The following RUNX1 variants were observed in gnomAD, a reference collection of about 807,000 sequenced individuals.
RUNX1 encodes the protein runt-related transcription factor 1.
A neutral mutation model predicts 42.8 loss-of-function variants in RUNX1; 19 were observed. That is an observed-to-expected ratio of 0.44 (90% confidence interval 0.31 to 0.65). The LOEUF (loss-of-function observed/expected upper bound fraction) is 0.65. Ranked by LOEUF, RUNX1 falls within the 30% of genes least tolerant of loss-of-function variation. The probability of loss-of-function intolerance (pLI) is 0.07; values close to 1 mark genes in which losing one functional copy is unlikely to be tolerated. For missense variants in RUNX1, 528 were observed against 672.0 expected (o/e 0.79, Z 2.37); for synonymous variants, 271 against 289.4 (o/e 0.94, Z 0.64).
intron 2 of RUNX1, among the ~76,000 whole-genome samples, chr21:34,974,520 C>T (rs1050282417): frequency 1.3e-5 from 2 of 152,164 alleles, no homozygotes; most frequent in African/African-American, 4.8e-5. Flanking sequence ...CCTTGTTTTA[C>T]ATTTCATGTT....
At chr21:35,003,911 G>A (rs180938214) in intron 2 of RUNX1, among the ~76,000 whole-genome samples, 10 of 152,198 alleles carry the variant, frequency 6.6e-5, no homozygotes, top group East Asian at 1.9e-4. Context: ...GATTTATTTC[G>A]TTCAAATACA....
At chr21:34,991,170 C>G (rs1004650340) in intron 2 of RUNX1, among the ~76,000 whole-genome samples, 10 of 152,196 alleles carry the variant, frequency 6.6e-5, no homozygotes, top group African/African-American at 2.4e-4. Flanking sequence ...ACCTTGCCTG[C>G]CTCTCTTGCT....
intron 2 of RUNX1, among the ~76,000 whole-genome samples, chr21:35,010,249 G>A (rs988395323): frequency 3.3e-5 from 5 of 151,792 alleles, no homozygotes; most frequent in Non-Finnish European, 7.4e-5. Context: ...TACTCCATAA[G>A]CTCCAAAAAC....
At position 35,041,138 on chromosome 21, in the gene RUNX1, A is replaced by C. The variant is rs369799663; in HGVS notation, c.58+7704T>G. On this transcript the variant is annotated intron_variant, in intron 2 of 8. Transcript: ENST00000675419. Reference sequence around the variant, plus strand: ...TTCGAGACTAGCAAAGTTTCTTTTGAGAAGTCACAGTCTCTACGGAGGGTA... The same window carrying C: ...TTCGAGACTAGCAAAGTTTCTTTTGCGAAGTCACAGTCTCTACGGAGGGTA... Among the ~76,000 whole-genome samples, 4 of 152,334 alleles carry C rather than the reference A, an allele frequency of 2.6e-5. No individual in the cohort carries two copies. The East Asian group carries it at 7.7e-4, about 29-fold the overall frequency.
chr21:34,839,275 C>T (rs548167876), intron 6 of RUNX1, among the ~76,000 whole-genome samples: 4 of 150,976 alleles, frequency 2.6e-5, no homozygotes, highest in African/African-American at 9.9e-5. Context: ...ACACTCAGTG[C>T]ACCTAGAAAT....
intron 2 of RUNX1, among the ~76,000 whole-genome samples, chr21:35,017,265 G>C (rs1196308130): frequency 6.6e-6 from 1 of 152,202 alleles, no homozygotes. Flanking sequence ...TATGCTGACA[G>C]ATCAGCACAC....
At chr21:34,957,208 C>A (rs543477275) in intron 2 of RUNX1, among the ~76,000 whole-genome samples, 1 of 152,266 alleles carries the variant, frequency 6.6e-6, no homozygotes, top group South Asian at 2.1e-4. Flanking sequence ...GTAATATTTG[C>A]CAACTGCTTT....
At chr21:35,029,731 G>A (rs763137589) in intron 2 of RUNX1, among the ~76,000 whole-genome samples, 15 of 152,080 alleles carry the variant, frequency 9.9e-5, no homozygotes, top group Non-Finnish European at 1.3e-4. Flanking sequence ...AATTTCTTCC[G>A]TCTTGGGCTT....
intron 7 of RUNX1, chr21:34,833,106 T>C (rs1223924253): frequency 6.6e-6 from 1 of 152,398 alleles, no homozygotes; most frequent in Non-Finnish European, 1.5e-5. Context: ...TTTGTTTGTT[T>C]GTTTGTTTGT....
chr21:34,891,907 A>T (rs1190922331), intron 3 of RUNX1, among the ~76,000 whole-genome samples: 2 of 152,196 alleles, frequency 1.3e-5, no homozygotes, highest in African/African-American at 2.4e-5. Flanking sequence ...AAACAGTAAC[A>T]GTGCATTGAC....
intron 2 of RUNX1, among the ~76,000 whole-genome samples, chr21:34,993,557 AGGCACAGACACACACAGG>A (rs2058963926): frequency 7.6e-6 from 1 of 131,420 alleles, no homozygotes; most frequent in African/African-American, 3.0e-5. Context: ...ACACACACAC[AGGCACAGACACACACAGG>A]CACACACACA....
At chr21:35,033,807 T>G (rs1347267756) in intron 2 of RUNX1, among the ~76,000 whole-genome samples, 2 of 152,208 alleles carry the variant, frequency 1.3e-5, no homozygotes, top group African/African-American at 2.4e-5. Context: ...ATTTTTAAAG[T>G]CTTCAAAGAA....
Position 34,849,442 on chromosome 21 carries a change from T to C in RUNX1, c.613+10032A>G, listed in dbSNP as rs1307906032. On this transcript the variant is annotated intron_variant, in intron 6 of 8. Coordinates refer to ENST00000675419, the MANE Select transcript of RUNX1 (RefSeq NM_001754.5). ...TTATATAGTATATATATTATATATA[T>C]ACTATATATTATAATATATAGTATA... Among the ~76,000 whole-genome samples the C allele has an allele frequency of 6.0e-5, 4 of 67,048 alleles. 1 individual carries two copies. The highest frequency in any genetic ancestry group is 1.1e-4 in the Non-Finnish European group (4 of 36,542). The allele number at this position is 67,048 out of a possible 152,430, so 44.0% of individuals were successfully genotyped here.
chr21:34,810,120 C>T (rs574709071), intron 7 of RUNX1, among the ~76,000 whole-genome samples: 131 of 152,228 alleles, frequency 8.6e-4, no homozygotes, highest in Non-Finnish European at 1.7e-3. Flanking sequence ...AAAAGCCTTC[C>T]TCTCTACACA....
chr21:34,798,406 GC>G (rs964165815), intron 8 of RUNX1, among the ~76,000 whole-genome samples: 26 of 152,174 alleles, frequency 1.7e-4, no homozygotes, highest in Non-Finnish European at 3.8e-4. Flanking sequence ...AGCCCAAAGG[GC>G]TCATAGGTTA....
chr21:34,883,085 A>G (rs552664134), intron 4 of RUNX1, among the ~76,000 whole-genome samples: 1 of 152,302 alleles, frequency 6.6e-6, no homozygotes, highest in East Asian at 1.9e-4. Context: ...TGCCTCTCTC[A>G]TCTTTCCAAT....
rs1601348789 is a variant in RUNX1, at chr21:34,799,562, T to C, written c.806-100A>G. 2.1e-5 allele frequency: 22 copies of C among 1,025,554 alleles called. No homozygotes were observed. In the East Asian group the frequency reaches 4.8e-4, roughly 22 times the overall value. The allele number at this position is 1,025,554 out of a possible 1,614,324, so 63.5% of individuals were successfully genotyped here. A position where few individuals can be genotyped will look rare whatever the true frequency, so the allele number is the denominator to read the frequency against. ...GTGGCCCTTGTTCAAATATGTCACA[T>C]ACATGTATGTGGCCTATGTACCAGG... On this transcript the variant is annotated intron_variant, in intron 7 of 8. Transcript: ENST00000675419.
chr21:34,898,455 T>C (rs2058147182), intron 2 of RUNX1, among the ~76,000 whole-genome samples: 1 of 152,150 alleles, frequency 6.6e-6, no homozygotes, highest in African/African-American at 2.4e-5. Flanking sequence ...TTTCTGGAGC[T>C]CAGTAGCAGG....
chr21:34,897,671 G>A (rs1182675455), intron 2 of RUNX1, among the ~76,000 whole-genome samples: 14 of 152,122 alleles, frequency 9.2e-5, no homozygotes, highest in Non-Finnish European at 1.9e-4. Flanking sequence ...ACATTCCTTA[G>A]TGTAAAACTC....
Sources: gnomAD v4.1 joint callset for allele counts (sites outside exome capture counted in the v4.1 genomes callset) on GRCh38, gnomAD v4.1.1 for gene constraint, MANE v1.5 for transcripts, NCBI Gene and HGNC (gene_info 2026-07-23, HGNC 2026-07-21) for gene names.